METTL15: variants seen among roughly 807,000 people sequenced by gnomAD.
METTL15 encodes the protein 12S rRNA N(4)-cytidine methyltransferase METTL15.
In METTL15, 34 loss-of-function variants were observed where a neutral mutation model predicts 38.3. That is an observed-to-expected ratio of 0.89 (90% CI 0.68 to 1.18). METTL15 has a LOEUF of 1.18. METTL15 is among the 50% of genes most tolerant of loss of function. METTL15 has a pLI of 0.00. For synonymous variants in METTL15, 162 were observed against 170.9 expected, an observed-to-expected ratio of 0.95 and a Z score of 0.41; for missense variants, 438 against 498.4, an observed-to-expected ratio of 0.88 and a Z score of 1.15.
chr11:28,456,692 G>C (rs1229352922), intron 6 of METTL15, among the ~76,000 whole-genome samples: 4 of 152,008 alleles, frequency 2.6e-5, no homozygotes, highest in African/African-American at 9.7e-5. Flanking sequence ...CACCTGCCTT[G>C]GCTTCCCACA....
chr11:28,507,430 C>A (rs562439241), intron 6 of METTL15, among the ~76,000 whole-genome samples: 2 of 152,172 alleles, frequency 1.3e-5, no homozygotes, highest in African/African-American at 2.4e-5. Context: ...TCCCACCAGG[C>A]CCCTCCTCCA....
In METTL15 at chr11:28,332,175, CT is replaced by C. The variant is rs1849833964; in HGVS notation, c.*1337del. 6.6e-6 allele frequency: 1 copy of C among 152,152 alleles called. No individual in the cohort carries two copies. Among genetic ancestry groups the C allele is most frequent in the Non-Finnish European group, 1.5e-5 (1 of 68,028 alleles). The allele number at this position is 152,152 out of a possible 1,614,324, so 9.4% of individuals were successfully genotyped here. A position where few individuals can be genotyped will look rare whatever the true frequency, so the allele number is the denominator to read the frequency against. On this transcript the variant is annotated 3_prime_UTR_variant, in exon 7 of 7. Transcript: ENST00000407364. ...TACCCAGGCTTGTTCACTACTTCTGCTTTACAGGCTTTATTTAAATCTGAAC... is the reference window on the plus strand; with the variant it reads ...TACCCAGGCTTGTTCACTACTTCTGCTTACAGGCTTTATTTAAATCTGAAC...
intron 3 of METTL15, among the ~76,000 whole-genome samples, chr11:28,157,575 T>A (rs1850305587): frequency 6.6e-6 from 1 of 152,180 alleles, no homozygotes; most frequent in Non-Finnish European, 1.5e-5. Context: ...AACTGAACAT[T>A]TGACTATATG....
intron 4 of METTL15, among the ~76,000 whole-genome samples, chr11:28,257,058 G>A (rs1855001246): frequency 6.6e-6 from 1 of 152,018 alleles, no homozygotes; most frequent in African/African-American, 2.4e-5. Flanking sequence ...TACTCCCTTG[G>A]GCATTTCTTG....
At chr11:28,456,946 C>T (rs1482182197) in intron 6 of METTL15, among the ~76,000 whole-genome samples, 3 of 152,232 alleles carry the variant, frequency 2.0e-5, no homozygotes, top group Non-Finnish European at 2.9e-5. Context: ...CTCAGACACT[C>T]TGGAACAGAG....
At chr11:28,296,003 G>C (rs1220560467) in intron 5 of METTL15, among the ~76,000 whole-genome samples, 2 of 152,056 alleles carry the variant, frequency 1.3e-5, no homozygotes, top group African/African-American at 4.8e-5. Context: ...AAACAGGAAT[G>C]GTCTGACAGA....
chr11:28,195,176 C>G (rs1851864737), intron 3 of METTL15, among the ~76,000 whole-genome samples: 1 of 151,882 alleles, frequency 6.6e-6, no homozygotes. Flanking sequence ...TGTAGGTATC[C>G]TTTTTGCGGG....
rs559101210 is a variant in METTL15, at chr11:28,449,820, A to G, written c.*424+25456A>G. 3.3e-5 allele frequency among the ~76,000 whole-genome samples: 5 copies of G among 152,262 alleles called. No homozygotes were observed. The South Asian group carries it at 1.0e-3, about 32-fold the overall frequency. On this transcript the variant is annotated intron_variant and NMD_transcript_variant, in intron 6 of 7. Coordinates refer to the METTL15 transcript ENST00000532947. ...CGGAAAGACACTAACACAGGATGAA[A>G]AGGGAGAAGAGCCCAGCCGAGATCA...
chr11:28,375,750 T>A (rs2133379510), intron 5 of METTL15, among the ~76,000 whole-genome samples: 1 of 152,198 alleles, frequency 6.6e-6, no homozygotes, highest in East Asian at 1.9e-4. Context: ...TTCTTTTAAT[T>A]GTGATGTTAG....
intron 4 of METTL15, among the ~76,000 whole-genome samples, chr11:28,232,792 A>G (rs1853741989): frequency 6.6e-6 from 1 of 151,968 alleles, no homozygotes; most frequent in Non-Finnish European, 1.5e-5. Flanking sequence ...ATTGCTGCTG[A>G]CAGAATTTTA....
chr11:28,273,329 TC>T, intron 4 of METTL15, among the ~76,000 whole-genome samples: 1 of 152,286 alleles, frequency 6.6e-6, no homozygotes, highest in Non-Finnish European at 1.5e-5. Flanking sequence ...GTAATGGTAT[TC>T]ATATATAGTT....
intron 3 of METTL15, among the ~76,000 whole-genome samples, chr11:28,163,040 A>G (rs1314053357): frequency 6.6e-6 from 1 of 152,106 alleles, no homozygotes; most frequent in African/African-American, 2.4e-5. Context: ...GAAATAAGCA[A>G]TCTAATTTTG....
At chr11:28,319,967 C>T (rs1340512958) in intron 6 of METTL15, among the ~76,000 whole-genome samples, 1 of 152,170 alleles carries the variant, frequency 6.6e-6, no homozygotes, top group Non-Finnish European at 1.5e-5. Flanking sequence ...CTTCTTCACT[C>T]TCATATGAGC....
intron 5 of METTL15, among the ~76,000 whole-genome samples, chr11:28,394,596 C>T (rs752678747): frequency 1.3e-5 from 2 of 152,014 alleles, no homozygotes; most frequent in Non-Finnish European, 2.9e-5. Context: ...TCAAATCTTC[C>T]TCTGCTGGGA....
intron 4 of METTL15, among the ~76,000 whole-genome samples, chr11:28,220,667 T>C (rs538302999): frequency 4.7e-4 from 72 of 152,222 alleles, no homozygotes; most frequent in Non-Finnish European, 9.1e-4. Flanking sequence ...CGATGGTCTT[T>C]ACAATTTGGC....
At chr11:28,503,513 C>G (rs1441925438) in intron 6 of METTL15, among the ~76,000 whole-genome samples, 2 of 152,212 alleles carry the variant, frequency 1.3e-5, no homozygotes, top group Non-Finnish European at 2.9e-5. Context: ...CAGACCCAGG[C>G]TGGGTGTGGT....
chr11:28,396,154 A>C (rs976492707), intron 5 of METTL15, among the ~76,000 whole-genome samples: 5 of 152,134 alleles, frequency 3.3e-5, no homozygotes, highest in African/African-American at 9.7e-5. Flanking sequence ...ATGGGCAAAA[A>C]CTGGAAGCAT....
chr11:28,444,592 A>T (rs114760989), intron 6 of METTL15, among the ~76,000 whole-genome samples: 230 of 152,334 alleles, frequency 1.5e-3, no homozygotes, highest in African/African-American at 5.5e-3. Context: ...ATCACTTAGT[A>T]GCCATGAATT....
downstream of METTL15, among the ~76,000 whole-genome samples, chr11:28,336,580 C>A (rs184614436): frequency 4.6e-5 from 7 of 152,238 alleles, no homozygotes; most frequent in East Asian, 3.9e-4. Context: ...CACTCATGCA[C>A]CACTTAACAT....
Sources: gnomAD v4.1 joint callset for allele counts (sites outside exome capture counted in the v4.1 genomes callset) on GRCh38, gnomAD v4.1.1 for gene constraint, MANE v1.5 for transcripts, NCBI Gene and HGNC (gene_info 2026-07-23, HGNC 2026-07-21) for gene names.